Variants in RBM47 observed in about 807,000 individuals in gnomAD.
RBM47 encodes RNA-binding protein 47.
RBM47 carries 21 observed loss-of-function variants against 47.1 expected under a neutral mutation model. That is an observed-to-expected ratio of 0.45 (90% CI 0.32 to 0.64). RBM47 has a LOEUF of 0.64. Among genes scored for constraint, RBM47 ranks in the 30% least tolerant of loss-of-function variants. The probability of loss-of-function intolerance (pLI) is 0.05; values close to 1 mark genes in which losing one functional copy is unlikely to be tolerated. For missense variants in RBM47, 708 were observed against 870.9 expected, an observed-to-expected ratio of 0.81 and a Z score of 2.35; for synonymous variants, 375 against 361.7, an observed-to-expected ratio of 1.04 and a Z score of -0.42.
At chr4:40,436,864 G>T (rs1402173535) in intron 4 of RBM47, 1 of 683,934 alleles carries the variant, frequency 1.5e-6, no homozygotes, top group Admixed American at 2.0e-5. Flanking sequence ...CAAACTTGCA[G>T]GGTGAGTTTC....
At chr4:40,524,801 GA>G (rs1726539998) in intron 2 of RBM47, among the ~76,000 whole-genome samples, 1 of 152,112 alleles carries the variant, frequency 6.6e-6, no homozygotes, top group Non-Finnish European at 1.5e-5. Context: ...TCATTACTAT[GA>G]ATGAAAAGCC....
intron 1 of RBM47, among the ~76,000 whole-genome samples, chr4:40,601,502 T>G (rs1735281738): frequency 6.6e-6 from 1 of 152,200 alleles, no homozygotes; most frequent in Admixed American, 6.5e-5. Context: ...CGGAAAAGAT[T>G]TCAATGACAT....
intron 1 of RBM47, among the ~76,000 whole-genome samples, chr4:40,563,217 A>G (rs1033752023): frequency 1.3e-5 from 2 of 152,060 alleles, no homozygotes; most frequent in African/African-American, 4.8e-5. Flanking sequence ...TAAATAAAAT[A>G]CCTTTTTTAA....
At chr4:40,569,472 C>G (rs561073697) in intron 1 of RBM47, among the ~76,000 whole-genome samples, 3 of 148,764 alleles carry the variant, frequency 2.0e-5, no homozygotes, top group East Asian at 2.0e-4. Context: ...TGCAGTGGTG[C>G]GATCTCAGTT....
intron 1 of RBM47, among the ~76,000 whole-genome samples, chr4:40,584,792 G>A (rs1194551807): frequency 1.3e-5 from 2 of 152,154 alleles, no homozygotes; most frequent in Non-Finnish European, 2.9e-5. Flanking sequence ...ATTCAACTCA[G>A]TTGCGCCAGC....
chr4:40,523,681 T>G (rs1341148043), intron 2 of RBM47, among the ~76,000 whole-genome samples: 1 of 150,320 alleles, frequency 6.7e-6, no homozygotes, highest in African/African-American at 2.4e-5. Context: ...CAGGGTGACG[T>G]GGTGAAACCT....
At chr4:40,483,398 A>G (rs1324840343) in intron 2 of RBM47, among the ~76,000 whole-genome samples, 1 of 152,224 alleles carries the variant, frequency 6.6e-6, no homozygotes, top group Non-Finnish European at 1.5e-5. Context: ...GGGGCGGGGT[A>G]GCGGAAGCAG....
chr4:40,495,405 C>G (rs761464126), intron 2 of RBM47, among the ~76,000 whole-genome samples: 47 of 152,076 alleles, frequency 3.1e-4, no homozygotes, highest in Non-Finnish European at 3.7e-4. Context: ...AGTTGGAGAA[C>G]AGCTTGGCCA....
At chr4:40,456,322 G>T (rs943149376) in intron 3 of RBM47, among the ~76,000 whole-genome samples, 3 of 152,120 alleles carry the variant, frequency 2.0e-5, no homozygotes, top group Admixed American at 1.3e-4. Context: ...GCCAGAAGTT[G>T]AATATATGAA....
chr4:40,458,357 A>G (rs541086269), intron 3 of RBM47, among the ~76,000 whole-genome samples: 1 of 152,304 alleles, frequency 6.6e-6, no homozygotes, highest in African/African-American at 2.4e-5. Flanking sequence ...CTAGGAAACA[A>G]TATCTGCTAC....
chr4:40,618,489 C>T (rs144612620), intron 1 of RBM47, among the ~76,000 whole-genome samples: 38 of 152,166 alleles, frequency 2.5e-4, no homozygotes, highest in Non-Finnish European at 4.4e-4. Context: ...GTGTCTCCTG[C>T]TTTTGCTAGA....
At chr4:40,600,179 A>G (rs528007500) in intron 1 of RBM47, among the ~76,000 whole-genome samples, 9 of 128,914 alleles carry the variant, frequency 7.0e-5, no homozygotes, top group South Asian at 4.9e-4. Flanking sequence ...TTTTTTTATG[A>G]ATTTTTTTTT....
intron 1 of RBM47, among the ~76,000 whole-genome samples, chr4:40,609,296 TTTTTTA>T (rs1404262979): frequency 1.3e-5 from 2 of 150,956 alleles, no homozygotes; most frequent in Non-Finnish European, 2.9e-5. Context: ...GGCCTGCTAA[TTTTTTA>T]TTTTTATTTT....
Position 40,425,980 on chromosome 4 carries a change from T to C in RBM47, c.1706A>G (p.Tyr569Cys), listed in dbSNP as rs753946299. Residue 569 changes from tyrosine to cysteine, a missense_variant, in exon 7 of 7, where the codon TAC becomes TGC. Coordinates refer to ENST00000295971, the MANE Select transcript of RBM47 (RefSeq NM_001098634.2). ...GAAGGCCTGAGGTATGTAGCCTGCG[T>C]ATCCTCCATACATGGCGGCCGCGGC... ...AAAAAAMYGGYAGYIPQAFPA... is the reference protein window; with the variant it reads ...AAAAAAMYGGCAGYIPQAFPA... 1.2e-6 allele frequency: 2 copies of C among 1,614,218 alleles called. No individual in the cohort carries two copies. The highest frequency in any genetic ancestry group is 1.1e-5 in the South Asian group (1 of 91,084).
At chr4:40,615,258 G>A (rs544438198) in intron 1 of RBM47, among the ~76,000 whole-genome samples, 1 of 152,256 alleles carries the variant, frequency 6.6e-6, no homozygotes, top group East Asian at 1.9e-4. Flanking sequence ...GGGCAACATG[G>A]TGAAACCCTG....
Position 40,432,754 on chromosome 4 carries a change from A to T in RBM47, c.1439T>A (p.Ile480Asn), listed in dbSNP as rs780441804. Residue 480 changes from isoleucine (I) to asparagine (N), a missense_variant, in exon 6 of 7, where the codon ATT becomes AAT. Coordinates refer to ENST00000295971, the MANE Select transcript of RBM47 (RefSeq NM_001098634.2). The stretch of plus-strand genomic sequence containing the variant: ...ACTGGCTGGGTCTGGCTGCACAGCA[A>T]TGGGGCTGATCATGTGCTCCACTGT... Reference protein sequence around the residue: ...IHTVEHMISPIAVQPDPASAA... With the variant: ...IHTVEHMISPNAVQPDPASAA... The T allele has an allele frequency of 6.2e-7, 1 of 1,613,342 alleles. No individual in the cohort carries two copies. The highest frequency in any genetic ancestry group is 2.2e-5 in the East Asian group (1 of 44,856).
intron 2 of RBM47, among the ~76,000 whole-genome samples, chr4:40,502,657 C>G (rs278951): frequency 0.017 from 2,650 of 152,214 alleles, 52 homozygotes; most frequent in East Asian, 0.075. Flanking sequence ...CCAGCCTGGG[C>G]AACATGGGGA....
chr4:40,497,320 T>C (rs1722736758), intron 2 of RBM47, among the ~76,000 whole-genome samples: 3 of 152,094 alleles, frequency 2.0e-5, no homozygotes, highest in Admixed American at 2.0e-4. Context: ...TATATGACTA[T>C]TTAAAAACAA....
At chr4:40,599,130 C>G (rs1289742864) in intron 1 of RBM47, among the ~76,000 whole-genome samples, 1 of 151,770 alleles carries the variant, frequency 6.6e-6, no homozygotes, top group African/African-American at 2.4e-5. Flanking sequence ...TGGTGGCACA[C>G]CCCTGTAATC....
Sources: gnomAD v4.1 joint callset for allele counts (sites outside exome capture counted in the v4.1 genomes callset) on GRCh38, gnomAD v4.1.1 for gene constraint, MANE v1.5 for transcripts, NCBI Gene and HGNC (gene_info 2026-07-23, HGNC 2026-07-21) for gene names.